The following ALDH5A1 variants were observed in gnomAD, a reference collection of about 807,000 sequenced individuals.
ALDH5A1 encodes succinate-semialdehyde dehydrogenase, mitochondrial.
ALDH5A1 carries 33 observed loss-of-function variants against 54.7 expected under a neutral mutation model. That is an observed-to-expected ratio of 0.60 (90% confidence interval 0.46 to 0.81). The LOEUF (loss-of-function observed/expected upper bound fraction) is 0.81, where lower values mean the gene tolerates loss of function less well. ALDH5A1 is among the 30% of genes least tolerant of loss of function. The probability of loss-of-function intolerance (pLI) is 0.00; values close to 1 mark genes in which losing one functional copy is unlikely to be tolerated. For missense variants in ALDH5A1, 657 were observed against 711.0 expected (o/e 0.92, Z 0.86); for synonymous variants, 294 against 292.7 (o/e 1.00, Z -0.05).
intron 5 of ALDH5A1, among the ~76,000 whole-genome samples, chr6:24,519,408 T>C (rs1759632867): frequency 6.6e-6 from 1 of 152,010 alleles, no homozygotes; most frequent in South Asian, 2.1e-4. Flanking sequence ...CTACTAAAAA[T>C]ACAAAAATTA....
chr6:24,496,690 G>C (rs1764713433), intron 1 of ALDH5A1, among the ~76,000 whole-genome samples: 1 of 152,198 alleles, frequency 6.6e-6, no homozygotes, highest in East Asian at 1.9e-4. Flanking sequence ...AAAGTAAGCA[G>C]TTGGTTATAT....
rs70974913 is a variant in ALDH5A1, at chr6:24,506,243, C to CTTTTTTTTTTTTTTTTTTTT, written c.726+1269_726+1288dup. Among the ~76,000 whole-genome samples, 46 of 52,160 alleles carry CTTTTTTTTTTTTTTTTTTTT rather than the reference C, an allele frequency of 8.8e-4. 16 individuals are homozygous for CTTTTTTTTTTTTTTTTTTTT. Among genetic ancestry groups the CTTTTTTTTTTTTTTTTTTTT allele is most frequent in the Non-Finnish European group, 1.4e-3 (41 of 29,132 alleles). The allele number at this position is 52,160 out of a possible 152,430, so 34.2% of individuals were successfully genotyped here. A position where few individuals can be genotyped will look rare whatever the true frequency, so the allele number is the denominator to read the frequency against. ...TCTGCACCTCCTTCTTTCCTGGTTCCTTTTTTTTTTTTTTTTTTTTTTTTT... is the reference window on the plus strand; with the variant it reads ...TCTGCACCTCCTTCTTTCCTGGTTCCTTTTTTTTTTTTTTTTTTTTTTTTTTTTTTTTTTTTTTTTTTTTT... On this transcript the variant is annotated intron_variant, in intron 4 of 9. Transcript: ENST00000357578.
chr6:24,503,887 A>T (rs1759259005), intron 3 of ALDH5A1, among the ~76,000 whole-genome samples: 1 of 152,248 alleles, frequency 6.6e-6, no homozygotes, highest in Non-Finnish European at 1.5e-5. Flanking sequence ...GCACTGGGCC[A>T]GGTTCTAGAG....
chr6:24,500,640 G>A (rs1234658969), intron 1 of ALDH5A1, among the ~76,000 whole-genome samples: 4 of 105,412 alleles, frequency 3.8e-5, no homozygotes, highest in Admixed American at 1.2e-4. Context: ...GATCAAGACC[G>A]TATCTAAAAT....
In ALDH5A1 at chr6:24,534,282, T is replaced by C. The variant is rs1581828432; in HGVS notation, c.*570T>C. 1 of 155,920 alleles carries C rather than the reference T, an allele frequency of 6.4e-6. No homozygotes were observed. Among genetic ancestry groups the C allele is most frequent in the South Asian group, 1.9e-4 (1 of 5,136 alleles). 9.7% of individuals were successfully genotyped at this position (155,920 alleles called of 1,614,324 possible). ...AATAGCACAGAATTGTCCGTGCTTC[T>C]GTGAGGCACGAAGGAGCACCTCTCC... On this transcript the variant is annotated 3_prime_UTR_variant, in exon 10 of 10. Coordinates refer to ENST00000357578, the MANE Select transcript of ALDH5A1 (RefSeq NM_001080.3).
chr6:24,515,720 C>A (rs1561874121), intron 5 of ALDH5A1, among the ~76,000 whole-genome samples: 1 of 151,396 alleles, frequency 6.6e-6, no homozygotes, highest in Non-Finnish European at 1.5e-5. Flanking sequence ...GACTCTGTTT[C>A]AAAAAAAAGG....
In ALDH5A1 at chr6:24,506,243, C is replaced by CTTTTTTTTTTTTTTT. The variant is rs70974913; in HGVS notation, c.726+1274_726+1288dup. On this transcript the variant is annotated intron_variant, in intron 4 of 9. Coordinates refer to ENST00000357578, the MANE Select transcript of ALDH5A1 (RefSeq NM_001080.3). ...TCTGCACCTCCTTCTTTCCTGGTTCCTTTTTTTTTTTTTTTTTTTTTTTTT... is the reference window on the plus strand; with the variant it reads ...TCTGCACCTCCTTCTTTCCTGGTTCCTTTTTTTTTTTTTTTTTTTTTTTTTTTTTTTTTTTTTTTT... Among the ~76,000 whole-genome samples the CTTTTTTTTTTTTTTT allele has an allele frequency of 1.5e-3, 76 of 52,160 alleles. 27 individuals carry two copies. Among genetic ancestry groups the CTTTTTTTTTTTTTTT allele is most frequent in the East Asian group, 3.2e-3 (4 of 1,238 alleles). 34.2% of individuals were successfully genotyped at this position (52,160 alleles called of 152,430 possible). A position where few individuals can be genotyped will look rare whatever the true frequency, so the allele number is the denominator to read the frequency against.
At chr6:24,503,922 T>A (rs1274272640) in intron 3 of ALDH5A1, among the ~76,000 whole-genome samples, 1 of 152,188 alleles carries the variant, frequency 6.6e-6, no homozygotes, top group Admixed American at 6.5e-5. Context: ...AAATAAGGTA[T>A]CACATCTGCC....
Position 24,522,819 on chromosome 6 carries a change from T to C in ALDH5A1, c.1067T>C (p.Phe356Ser). Reference sequence around the variant, plus strand: ...GTGCAAAGGGGCATCCATGATGCCTTTGTAAAAGCATTCGCCGAGGCCATG... The same window carrying C: ...GTGCAAAGGGGCATCCATGATGCCTCTGTAAAAGCATTCGCCGAGGCCATG... ...FLVQRGIHDAFVKAFAEAMKK... is the reference protein window; with the variant it reads ...FLVQRGIHDASVKAFAEAMKK... The change falls in exon 7 of 10, where the codon TTT becomes TCT. Residue 356 changes from phenylalanine (F) to serine (S), a missense_variant. Physicochemically the swap from Phe to Ser is radical, Grantham distance 155 (BLOSUM62 -2). This residue lies in a region of ALDH5A1 where 425 missense variants were observed against 516.4 expected (regional missense o/e 0.82). Coordinates refer to ENST00000357578, the MANE Select transcript of ALDH5A1 (RefSeq NM_001080.3). 6.2e-7 allele frequency: 1 copy of C among 1,614,098 alleles called. No homozygotes were observed. Among genetic ancestry groups the C allele is most frequent in the Non-Finnish European group, 8.5e-7 (1 of 1,180,008 alleles).
chr6:24,518,093 A>G lies in ALDH5A1; in HGVS notation c.871-2308A>G, dbSNP rs807513. On this transcript the variant is annotated intron_variant, in intron 5 of 9. Coordinates refer to ENST00000357578, the MANE Select transcript of ALDH5A1 (RefSeq NM_001080.3). The surrounding 1 kb of genome is among the most constrained non-coding windows in gnomAD (Gnocchi z 4.2). ...GTAGCCTGGCATAGAAGGGTGGGCT[A>G]GGTCAGGGCCTTTTCCTCTAGGAAT... 0.89 allele frequency among the ~76,000 whole-genome samples: 135,151 copies of G among 152,294 alleles called. 60,741 individuals are homozygous for G. The highest frequency in any genetic ancestry group is 0.95 in the African/African-American group (39,399 of 41,582).
At chr6:24,520,712 G>A (rs901699248) in intron 6 of ALDH5A1, among the ~76,000 whole-genome samples, 168 bp downstream of exon 6, 2 of 151,986 alleles carry the variant, frequency 1.3e-5, no homozygotes, top group African/African-American at 4.8e-5. Context: ...GGAAACTTTT[G>A]GGTTCCTTCC....
chr6:24,497,359 G>A (rs138789165), intron 1 of ALDH5A1, among the ~76,000 whole-genome samples: 346 of 146,378 alleles, frequency 2.4e-3, no homozygotes, highest in African/African-American at 9.3e-3. Flanking sequence ...TTTACAGAGC[G>A]TTGATTGGTG....
chr6:24,508,385 AAAAGAT>A lies in ALDH5A1; in HGVS notation c.726+3401_726+3406del, dbSNP rs2127384004. 3.7e-5 allele frequency among the ~76,000 whole-genome samples: 2 copies of A among 53,460 alleles called. 1 individual carries two copies. 35.1% of individuals were successfully genotyped at this position (53,460 alleles called of 152,430 possible). ...CCAAAAAAAAAAAAAAAAAAAAAAA[AAAAGAT>A]TAATAGTCTCTAATCCTCTAATCTC... On this transcript the variant is annotated intron_variant, in intron 4 of 9. Coordinates refer to ENST00000357578, the MANE Select transcript of ALDH5A1 (RefSeq NM_001080.3).
chr6:24,499,341 T>C (rs757454195), intron 1 of ALDH5A1, among the ~76,000 whole-genome samples: 3 of 152,174 alleles, frequency 2.0e-5, no homozygotes, highest in Non-Finnish European at 4.4e-5. Context: ...TGTGCAGATG[T>C]GGGAAGCTAC....
chr6:24,531,959 G>A (rs562144775), intron 8 of ALDH5A1, 160 bp from the exon 9 acceptor site: 23 of 705,928 alleles, frequency 3.3e-5, no homozygotes, highest in African/African-American at 2.3e-4. Flanking sequence ...GAGTTATATC[G>A]GGGAATGGTG....
chr6:24,529,791 C>A (rs1759894135), intron 8 of ALDH5A1, among the ~76,000 whole-genome samples: 1 of 148,926 alleles, frequency 6.7e-6, no homozygotes, highest in South Asian at 2.2e-4. Context: ...CCTGACTCAG[C>A]CTCCTGAGTA....
chr6:24,497,220 T>G (rs1288278015), intron 1 of ALDH5A1, among the ~76,000 whole-genome samples: 1 of 152,134 alleles, frequency 6.6e-6, no homozygotes, highest in Non-Finnish European at 1.5e-5. Flanking sequence ...AGCTTTTTAT[T>G]CCCTTATTTA....
chr6:24,517,644 C>G (rs1424400830), intron 5 of ALDH5A1, among the ~76,000 whole-genome samples: 1 of 152,220 alleles, frequency 6.6e-6, no homozygotes, highest in Non-Finnish European at 1.5e-5. Context: ...AACAGGGCTC[C>G]AGGAAAATAT....
At position 24,534,780 on chromosome 6, in the gene ALDH5A1, A is replaced by C. The variant is rs1760011917; in HGVS notation, c.*1068A>C. On this transcript the variant is annotated 3_prime_UTR_variant, in exon 10 of 10. Transcript: ENST00000357578. ...ACCTGAGCCTGAGTAAGTGGCTGTC[A>C]CCTGAGCCTGTTCTTTCTGTCCTGG... 1 of 152,252 alleles carries C rather than the reference A, an allele frequency of 6.6e-6. No homozygotes were observed. The highest frequency in any genetic ancestry group is 1.5e-5 in the Non-Finnish European group (1 of 68,086). 9.4% of individuals were successfully genotyped at this position (152,252 alleles called of 1,614,324 possible). A position where few individuals can be genotyped will look rare whatever the true frequency, so the allele number is the denominator to read the frequency against.
Sources: gnomAD v4.1 joint callset for allele counts (sites outside exome capture counted in the v4.1 genomes callset) on GRCh38, gnomAD v4.1.1 for gene constraint, gnomAD v4.1.1 regional missense constraint, Gnocchi (gnomAD v3.1) non-coding constraint, MANE v1.5 for transcripts, NCBI Gene and HGNC (gene_info 2026-07-23, HGNC 2026-07-21) for gene names.